The following CTNNA3 variants were observed in gnomAD, a reference collection of about 807,000 sequenced individuals.
The protein encoded by CTNNA3 is catenin alpha-3.
In CTNNA3, 76 loss-of-function variants were observed where a neutral mutation model predicts 95.7. The observed-to-expected ratio is 0.79, with a 90% CI of 0.66 to 0.96. The LOEUF (loss-of-function observed/expected upper bound fraction) is 0.96. Among genes scored for constraint, CTNNA3 ranks in the 40% least tolerant of loss-of-function variants. The probability of loss-of-function intolerance (pLI) is 0.00; values close to 1 mark genes in which losing one functional copy is unlikely to be tolerated. For synonymous variants in CTNNA3, 431 were observed against 374.4 expected (o/e 1.15, Z -1.74); for missense variants, 1,191 against 1,089.8 (o/e 1.09, Z -1.31).
At chr10:67,507,288 G>A (rs1839455724) in intron 5 of CTNNA3, among the ~76,000 whole-genome samples, 2 of 152,072 alleles carry the variant, frequency 1.3e-5, no homozygotes, top group African/African-American at 4.8e-5. Flanking sequence ...CCAGCACTTT[G>A]GGAGGCCGAG....
At chr10:66,791,025 A>G (rs905532656) in intron 7 of CTNNA3, among the ~76,000 whole-genome samples, 2 of 152,132 alleles carry the variant, frequency 1.3e-5, no homozygotes, top group African/African-American at 4.8e-5. Flanking sequence ...TAATTGGCCT[A>G]CCTGTTACTT....
Position 66,174,656 on chromosome 10 carries a change from G to A in CTNNA3, c.1885-71407C>T, listed in dbSNP as rs1234762709. Among the ~76,000 whole-genome samples the A allele has an allele frequency of 2.6e-5, 4 of 151,984 alleles. No homozygotes were observed. In the East Asian group the frequency reaches 7.8e-4, roughly 30 times the overall value. On this transcript the variant is annotated intron_variant, in intron 13 of 17. Coordinates refer to ENST00000433211, the MANE Select transcript of CTNNA3 (RefSeq NM_013266.4). ...ATGTGAAACCTGATAGGATTCGATA[G>A]GGAGGGCTAATTTTTTGAATATACA...
chr10:67,293,752 T>C (rs1839926753), intron 5 of CTNNA3, among the ~76,000 whole-genome samples: 1 of 147,540 alleles, frequency 6.8e-6, no homozygotes, highest in South Asian at 2.2e-4. Context: ...CACCTATGAG[T>C]GAGAGCATGC....
intron 5 of CTNNA3, among the ~76,000 whole-genome samples, chr10:67,236,906 A>G (rs1338041392): frequency 6.6e-6 from 1 of 151,164 alleles, no homozygotes; most frequent in South Asian, 2.1e-4. Context: ...TACAGCCACT[A>G]TGGAAAACAG....
intron 5 of CTNNA3, among the ~76,000 whole-genome samples, chr10:67,425,168 A>G (rs757996360): frequency 1.3e-5 from 2 of 152,150 alleles, no homozygotes; most frequent in African/African-American, 4.8e-5. Flanking sequence ...AGATGTCTTA[A>G]TTAACTTATT....
intron 7 of CTNNA3, among the ~76,000 whole-genome samples, chr10:67,121,452 A>G (rs768985745): frequency 3.3e-5 from 5 of 152,076 alleles, no homozygotes; most frequent in Non-Finnish European, 5.9e-5. Context: ...TGGCATCCAA[A>G]GAGATGGTTA....
intron 9 of CTNNA3, among the ~76,000 whole-genome samples, chr10:66,758,725 A>G (rs1839478035): frequency 1.3e-5 from 2 of 152,178 alleles, no homozygotes; most frequent in African/African-American, 4.8e-5. Context: ...ACCTGAAGTC[A>G]GGAGTTTGAG....
intron 3 of CTNNA3, among the ~76,000 whole-genome samples, chr10:67,599,451 G>C (rs551674739): frequency 3.9e-4 from 60 of 152,168 alleles, no homozygotes; most frequent in African/African-American, 1.3e-3. Flanking sequence ...AGCAAATAAA[G>C]GGTGTAATGC....
chr10:67,486,593 A>C (rs543252453), intron 5 of CTNNA3, among the ~76,000 whole-genome samples: 1 of 152,226 alleles, frequency 6.6e-6, no homozygotes, highest in Admixed American at 6.5e-5. Context: ...AATGAGAAAA[A>C]CAGTAAGATT....
intron 10 of CTNNA3, among the ~76,000 whole-genome samples, chr10:66,573,544 T>C (rs1464474009): frequency 6.6e-6 from 1 of 152,222 alleles, no homozygotes. Flanking sequence ...AAAATCATTA[T>C]ATAACAAATA....
In CTNNA3 at chr10:67,140,464, G is replaced by A. The variant is rs567160091; in HGVS notation, c.1047+39853C>T. Among the ~76,000 whole-genome samples, 4 of 152,096 alleles carry A rather than the reference G, an allele frequency of 2.6e-5. No individual in the cohort carries two copies. The South Asian group carries it at 8.3e-4, about 32-fold the overall frequency. On this transcript the variant is annotated intron_variant, in intron 7 of 17. Coordinates refer to ENST00000433211, the MANE Select transcript of CTNNA3 (RefSeq NM_013266.4). ...CATATAACTGGTTTATAAATTATTT[G>A]CATACATCCCAGATATATATACATG... is the stretch of plus-strand genomic sequence containing the variant.
At chr10:66,558,226 A>G (rs1422259695) in intron 10 of CTNNA3, among the ~76,000 whole-genome samples, 1 of 152,136 alleles carries the variant, frequency 6.6e-6, no homozygotes, top group Non-Finnish European at 1.5e-5. Context: ...GTCAGACATG[A>G]AGCCTTCAGT....
chr10:67,621,636 C>A (rs575705687), intron 2 of CTNNA3, among the ~76,000 whole-genome samples: 1 of 151,978 alleles, frequency 6.6e-6, no homozygotes, highest in South Asian at 2.1e-4. Context: ...GTAGTCCCAG[C>A]TACTCAGGAG....
At chr10:66,097,686 A>G (rs528080135) in intron 14 of CTNNA3, among the ~76,000 whole-genome samples, 2 of 152,186 alleles carry the variant, frequency 1.3e-5, no homozygotes, top group Admixed American at 6.5e-5. Flanking sequence ...CTTTCAATCA[A>G]TTTTATGAAG....
At chr10:66,252,819 A>G (rs1194326362) in intron 13 of CTNNA3, among the ~76,000 whole-genome samples, 1 of 152,242 alleles carries the variant, frequency 6.6e-6, no homozygotes, top group Admixed American at 6.5e-5. Flanking sequence ...TCCAGCCATC[A>G]GGTAAATATT....
rs79919208 is a variant in CTNNA3, at chr10:67,548,510, G to C, written c.293-8841C>G. 5.1e-3 allele frequency among the ~76,000 whole-genome samples: 778 copies of C among 152,166 alleles called. 24 individuals carry two copies. In the East Asian group the frequency reaches 0.078, roughly 15 times the overall value. On this transcript the variant is annotated intron_variant, in intron 3 of 17. Transcript: ENST00000433211. The stretch of plus-strand genomic sequence containing the variant: ...ATAGCCAAAACAATCTTGAAAAAGA[G>C]GGGCAAAGTTATAGAAATCACACTT...
At chr10:66,211,983 GTTTTTT>G (rs61453326) in intron 13 of CTNNA3, among the ~76,000 whole-genome samples, 397 of 95,038 alleles carry the variant, frequency 4.2e-3, no homozygotes, top group African/African-American at 0.016. Flanking sequence ...TTGTTTTTGG[GTTTTTT>G]TTTTTTTTTT....
At chr10:66,113,497 A>G (rs1218682601) in intron 13 of CTNNA3, among the ~76,000 whole-genome samples, 2 of 152,184 alleles carry the variant, frequency 1.3e-5, no homozygotes, top group African/African-American at 2.4e-5. Flanking sequence ...GTAGAACATA[A>G]TATCTAGGAT....
rs757077699 is a variant in CTNNA3 at position 67,180,281 on chromosome 10, A to G, written c.1047+36T>C. 4.5e-6 allele frequency: 7 copies of G among 1,543,358 alleles called. No homozygotes were observed. In the African/African-American group the frequency reaches 9.5e-5, roughly 21 times the overall value. On this transcript the variant is annotated intron_variant, in intron 7 of 17. Transcript: ENST00000433211. ...GCCTATATTCAAAGTACAAGGGAAG[A>G]GGGGCTAGGGATGGGAAGGCAAACC...
Sources: gnomAD v4.1 joint callset for allele counts (sites outside exome capture counted in the v4.1 genomes callset) on GRCh38, gnomAD v4.1.1 for gene constraint, MANE v1.5 for transcripts, NCBI Gene and HGNC (gene_info 2026-07-23, HGNC 2026-07-21) for gene names.